Variants in CACNA1C observed in about 807,000 individuals in gnomAD.
CACNA1C encodes voltage-dependent L-type calcium channel subunit alpha-1C.
In CACNA1C, 30 loss-of-function variants were observed where a neutral mutation model predicts 229.0. The ratio of observed to expected loss-of-function variants is 0.13; its 90% CI spans 0.10 to 0.18. The LOEUF (loss-of-function observed/expected upper bound fraction) is 0.18, where lower values mean the gene tolerates loss of function less well. CACNA1C is among the 10% of genes least tolerant of loss of function. The pLI is 1.00. For missense variants in CACNA1C, 1,658 were observed against 2,845.0 expected (o/e 0.58, Z 9.49); for synonymous variants, 1,114 against 1,132.5 (o/e 0.98, Z 0.33).
At chr12:2,303,740 G>T (rs147594301) in intron 3 of CACNA1C, among the ~76,000 whole-genome samples, 1 of 152,122 alleles carries the variant, frequency 6.6e-6, no homozygotes, top group African/African-American at 2.4e-5. Flanking sequence ...TCTGTCTAAC[G>T]GGCAAGGCTG....
chr12:2,243,376 A>C (rs1219112949), intron 3 of CACNA1C, among the ~76,000 whole-genome samples: 1 of 152,188 alleles, frequency 6.6e-6, no homozygotes, highest in Non-Finnish European at 1.5e-5. Context: ...CCATAACTTG[A>C]AACCAAAGCT....
intron 34 of CACNA1C, among the ~76,000 whole-genome samples, chr12:2,661,272 C>T (rs1343947493): frequency 1.4e-5 from 2 of 139,950 alleles, no homozygotes; most frequent in Non-Finnish European, 3.0e-5. Flanking sequence ...TAAACACATA[C>T]ACACACATAC....
At chr12:2,049,396 A>G (rs1312962647), upstream of CACNA1C, 1 of 152,244 alleles carries the variant, frequency 6.6e-6, no homozygotes, top group African/African-American at 2.4e-5. Context: ...TTATTTAACC[A>G]ACATTTTTGT....
chr12:2,460,517 A>G (rs1053994312), intron 5 of CACNA1C, among the ~76,000 whole-genome samples: 3 of 152,216 alleles, frequency 2.0e-5, no homozygotes, highest in Admixed American at 2.0e-4. Context: ...GAAGAATTAG[A>G]TTAGATCGGG....
chr12:2,076,682 T>C (rs2238020), intron 1 of CACNA1C, among the ~76,000 whole-genome samples: 115,771 of 152,154 alleles, frequency 0.76, 44,439 homozygotes, highest in Middle Eastern at 0.83. Context: ...TCTGGCTTTT[T>C]TCCCAAGTTC....
At chr12:2,000,268 G>A (rs985966589) in intron 1 of CACNA1C, among the ~76,000 whole-genome samples, 53 of 152,140 alleles carry the variant, frequency 3.5e-4, no homozygotes, top group Non-Finnish European at 3.5e-4. Context: ...GATAGAACTA[G>A]GACTTTGCAG....
chr12:2,335,103 G>A (rs1478175234), intron 3 of CACNA1C, among the ~76,000 whole-genome samples: 1 of 152,128 alleles, frequency 6.6e-6, no homozygotes, highest in African/African-American at 2.4e-5. Flanking sequence ...GGAGGTTCTA[G>A]TATCTCAGCC....
rs73244792 is a variant in CACNA1C, at chr12:2,380,993, G to A, written c.478-67983G>A. The stretch of plus-strand genomic sequence containing the variant: ...GGGATGGGGAGGGGGACTGAGGTGT[G>A]TGAAAGAAGAGAAGCAATTTCCAGG... On this transcript the variant is annotated intron_variant, in intron 3 of 46. Coordinates refer to ENST00000399655, the MANE Select transcript of CACNA1C (RefSeq NM_000719.7). Among the ~76,000 whole-genome samples, 623 of 152,294 alleles carry A rather than the reference G, an allele frequency of 4.1e-3. 2 individuals are homozygous for A. Among genetic ancestry groups the A allele is most frequent in the South Asian group, 0.015 (72 of 4,822 alleles).
At chr12:2,503,455 T>C (rs997042127) in intron 7 of CACNA1C, among the ~76,000 whole-genome samples, 7 of 152,244 alleles carry the variant, frequency 4.6e-5, no homozygotes, top group Non-Finnish European at 7.3e-5. Flanking sequence ...AAATTTCCTC[T>C]GATGGAAGCA....
chr12:2,063,804 T>TG (rs1451618696), intron 1 of CACNA1C, among the ~76,000 whole-genome samples: 2 of 152,240 alleles, frequency 1.3e-5, no homozygotes, highest in Non-Finnish European at 2.9e-5. Flanking sequence ...GATGGACACT[T>TG]GCGTTTTCAC....
intron 3 of CACNA1C, among the ~76,000 whole-genome samples, chr12:2,370,195 G>A (rs756251695): frequency 3.3e-5 from 5 of 152,050 alleles, no homozygotes; most frequent in Non-Finnish European, 5.9e-5. Context: ...AAGTAACACA[G>A]ATTAAAAAAA....
intron 3 of CACNA1C, among the ~76,000 whole-genome samples, chr12:2,422,748 T>C (rs2154556518): frequency 6.6e-6 from 1 of 152,292 alleles, no homozygotes; most frequent in East Asian, 1.9e-4. Context: ...CAGCAGCTGC[T>C]GGAGTGCTGT....
At chr12:2,305,935 C>G (rs1708610341) in intron 3 of CACNA1C, among the ~76,000 whole-genome samples, 1 of 152,216 alleles carries the variant, frequency 6.6e-6, no homozygotes, top group Non-Finnish European at 1.5e-5. Flanking sequence ...GTGCCAGGCC[C>G]TATTTAAATA....
chr12:2,547,430 G>T, intron 9 of CACNA1C: 1 of 779,528 alleles, frequency 1.3e-6, no homozygotes, highest in South Asian at 1.3e-5. Context: ...TCTTGACACT[G>T]ACCATCTTGT....
chr12:2,060,396 G>A (rs1040366712), intron 1 of CACNA1C, among the ~76,000 whole-genome samples: 6 of 152,142 alleles, frequency 3.9e-5, no homozygotes, highest in Non-Finnish European at 8.8e-5. Context: ...CCCATGTCAG[G>A]GTTGGTCTCC....
At chr12:2,321,727 G>A (rs986453097) in intron 3 of CACNA1C, among the ~76,000 whole-genome samples, 1 of 152,188 alleles carries the variant, frequency 6.6e-6, no homozygotes, top group African/African-American at 2.4e-5. Context: ...CATTTGAGCC[G>A]AGACTTGAAT....
At chr12:2,207,656 T>G (rs963414453) in intron 3 of CACNA1C, among the ~76,000 whole-genome samples, 1 of 151,702 alleles carries the variant, frequency 6.6e-6, no homozygotes, top group African/African-American at 2.4e-5. Flanking sequence ...CAAAAAAAAG[T>G]AAAAAAAATT....
intron 3 of CACNA1C, among the ~76,000 whole-genome samples, chr12:2,325,910 G>A (rs1264330859): frequency 6.6e-6 from 1 of 152,194 alleles, no homozygotes; most frequent in African/African-American, 2.4e-5. Flanking sequence ...GCCACCAGCC[G>A]CTACTGTGTG....
intron 3 of CACNA1C, among the ~76,000 whole-genome samples, chr12:2,356,671 C>T (rs536663687): frequency 3.9e-5 from 6 of 152,378 alleles, no homozygotes; most frequent in African/African-American, 1.4e-4. Context: ...CCTTCACCAG[C>T]GCTAGCTGTC....
Sources: allele counts gnomAD v4.1 joint callset (sites outside exome capture counted in the v4.1 genomes callset), GRCh38; gene constraint gnomAD v4.1.1; transcripts MANE v1.5; gene names NCBI Gene and HGNC (gene_info 2026-07-23, HGNC 2026-07-21).